The following PCDHGA11 variants were observed in gnomAD, a reference collection of about 807,000 sequenced individuals.
PCDHGA11 encodes the protein protocadherin gamma-A11.
Under a neutral mutation model 60.4 loss-of-function variants are expected in PCDHGA11, and 39 were observed. That is an observed-to-expected ratio of 0.65 (90% CI 0.50 to 0.84). The LOEUF (loss-of-function observed/expected upper bound fraction) is 0.84. PCDHGA11 is among the 40% of genes least tolerant of loss of function. The probability of loss-of-function intolerance (pLI) is 0.00; values close to 1 mark genes in which losing one functional copy is unlikely to be tolerated. For missense variants in PCDHGA11, 1,165 were observed against 1,197.7 expected (o/e 0.97, Z 0.40); for synonymous variants, 533 against 510.3 (o/e 1.04, Z -0.60).
chr5:141,507,151 G>C (rs1423834553), intron 3 of PCDHGA11: 2 of 152,192 alleles, frequency 1.3e-5, no homozygotes, highest in African/African-American at 4.8e-5. Context: ...TATTACCTGA[G>C]CAGGATGAGA....
intron 1 of PCDHGA11, among the ~76,000 whole-genome samples, chr5:141,457,171 T>C (rs1337137368): frequency 3.3e-5 from 5 of 152,216 alleles, no homozygotes; most frequent in Non-Finnish European, 7.3e-5. Flanking sequence ...GATAACCCTA[T>C]TGCAAATAGT....
At chr5:141,497,855 C>T (rs1447484949) in intron 2 of PCDHGA11, among the ~76,000 whole-genome samples, 1 of 152,122 alleles carries the variant, frequency 6.6e-6, no homozygotes, top group Non-Finnish European at 1.5e-5. Flanking sequence ...ATTTTTGATT[C>T]AGCGGCTCCA....
In PCDHGA11 at chr5:141,487,135, A is replaced by T; in HGVS notation, c.2434-7672A>T. 6.2e-7 allele frequency: 1 copy of T among 1,613,544 alleles called. No individual in the cohort carries two copies. The highest frequency in any genetic ancestry group is 8.5e-7 in the Non-Finnish European group (1 of 1,179,856). ...TGGTAAAGGATAGTGGTAGTCCACC[A>T]CTCTCTACCTCTGTTACTCTCTTAG... On this transcript the variant is annotated intron_variant, in intron 1 of 3. Transcript: ENST00000398587. The surrounding 1 kb of genome is among the most constrained non-coding windows in gnomAD (Gnocchi z 5.0).
In PCDHGA11 at chr5:141,421,073, G is replaced by A. The variant is rs2096544393; in HGVS notation, c.-155G>A. 6.5e-6 allele frequency: 4 copies of A among 613,858 alleles called. No individual in the cohort carries two copies. The highest frequency in any genetic ancestry group is 1.1e-5 in the Non-Finnish European group (4 of 362,082). The allele number at this position is 613,858 out of a possible 1,614,324, so 38.0% of individuals were successfully genotyped here. A position where few individuals can be genotyped will look rare whatever the true frequency, so the allele number is the denominator to read the frequency against. ...TCTACCACACAAAGCGGAATGAGAT[G>A]GATACTCACAGATCCTGACACTGGA... On this transcript the variant is annotated 5_prime_UTR_variant, in exon 1 of 4. It removes an upstream start codon present in the reference 5' UTR. Coordinates refer to ENST00000398587, the MANE Select transcript of PCDHGA11 (RefSeq NM_018914.3).
intron 1 of PCDHGA11, among the ~76,000 whole-genome samples, chr5:141,453,076 G>A (rs2098755408): frequency 1.3e-5 from 2 of 151,984 alleles, no homozygotes; most frequent in Admixed American, 6.6e-5. Flanking sequence ...CCACACTCTG[G>A]TTGATTAGTA....
At chr5:141,478,720 G>T (rs2154576937) in intron 1 of PCDHGA11, 1 of 1,543,694 alleles carries the variant, frequency 6.5e-7, no homozygotes, top group Admixed American at 2.0e-5. Context: ...ATGGTGGCCT[G>T]CCAGAGTGTG....
intron 1 of PCDHGA11, among the ~76,000 whole-genome samples, chr5:141,461,978 C>T (rs888687367): frequency 2.6e-5 from 4 of 152,216 alleles, no homozygotes; most frequent in African/African-American, 9.6e-5. Flanking sequence ...CATATGCCAC[C>T]ACGCCAGGCT....
chr5:141,492,043 TC>T (rs1323524482), intron 1 of PCDHGA11: 5 of 518,152 alleles, frequency 9.6e-6, no homozygotes, highest in Non-Finnish European at 1.7e-5. Context: ...CAGTCACAGA[TC>T]CACCCCTGCA....
chr5:141,423,895 G>T, intron 1 of PCDHGA11: 1 of 1,277,758 alleles, frequency 7.8e-7, no homozygotes, highest in Non-Finnish European at 9.9e-7. Flanking sequence ...ATTTTCTTTT[G>T]ATTTCAAAGG....
chr5:141,511,031 A>G lies in PCDHGA11; in HGVS notation c.2666A>G (p.Gln889Arg). 6.2e-7 allele frequency: 1 copy of G among 1,614,244 alleles called. No individual in the cohort carries two copies. The highest frequency in any genetic ancestry group is 8.5e-7 in the Non-Finnish European group (1 of 1,180,034). ...SARYGPQFTL[Q>R]HVPDYRQNVY... Reference sequence around the variant, plus strand: ...CGCTACGGACCCCAGTTCACCCTGCAGCACGTGCCCGACTACCGCCAGAAT... The same window carrying G: ...CGCTACGGACCCCAGTTCACCCTGCGGCACGTGCCCGACTACCGCCAGAAT... The change falls in exon 4 of 4, where the codon CAG (glutamine) becomes CGG (arginine). Residue 889 changes from glutamine to arginine, a missense_variant. Gln to Arg is a conservative substitution (Grantham distance 43). Coordinates refer to ENST00000398587, the MANE Select transcript of PCDHGA11 (RefSeq NM_018914.3).
At chr5:141,507,450 CAG>C (rs940460926) in intron 3 of PCDHGA11, among the ~76,000 whole-genome samples, 3 of 152,168 alleles carry the variant, frequency 2.0e-5, no homozygotes, top group African/African-American at 7.2e-5. Flanking sequence ...GACGGAAGGA[CAG>C]AGAGAGAGGT....
In PCDHGA11 at chr5:141,422,096, C is replaced by T; in HGVS notation, c.869C>T (p.Ser290Phe). ...YSFRNMESKA[S>F]EIFQLDSQTG... ...TTTCGGAACATGGAAAGCAAGGCTT[C>T]TGAAATATTCCAATTGGATTCACAA... Residue 290 changes from serine (S) to phenylalanine (F), a missense_variant, in exon 1 of 4, where the codon TCT becomes TTT. Physicochemically the swap from Ser to Phe is radical, Grantham distance 155 (BLOSUM62 -2). Transcript: ENST00000398587. 1 of 1,610,710 alleles carries T rather than the reference C, an allele frequency of 6.2e-7. No individual in the cohort carries two copies. The highest frequency in any genetic ancestry group is 8.5e-7 in the Non-Finnish European group (1 of 1,178,960).
At chr5:141,494,069 C>T (rs1249076667) in intron 1 of PCDHGA11, among the ~76,000 whole-genome samples, 1 of 152,146 alleles carries the variant, frequency 6.6e-6, no homozygotes, top group Non-Finnish European at 1.5e-5. Context: ...GAGCTGGATC[C>T]CTCCCCGCTG....
rs2099884159 is a variant in PCDHGA11 at position 141,512,278 on chromosome 5, G to A, written c.*1105G>A. 6.5e-6 allele frequency: 1 copy of A among 152,812 alleles called. No homozygotes were observed. Among genetic ancestry groups the A allele is most frequent in the Non-Finnish European group, 1.5e-5 (1 of 68,170 alleles). 9.5% of individuals were successfully genotyped at this position (152,812 alleles called of 1,614,324 possible). A position where few individuals can be genotyped will look rare whatever the true frequency, so the allele number is the denominator to read the frequency against. ...TGCTGGGTACTCCAGAGGTGCCACT[G>A]GTGGAAGGGTCAGCGGAGCCCCAGC... On this transcript the variant is annotated 3_prime_UTR_variant, in exon 4 of 4. Coordinates refer to ENST00000398587, the MANE Select transcript of PCDHGA11 (RefSeq NM_018914.3).
At chr5:141,439,473 G>T (rs1414737627) in intron 1 of PCDHGA11, among the ~76,000 whole-genome samples, 2 of 152,202 alleles carry the variant, frequency 1.3e-5, no homozygotes, top group South Asian at 2.1e-4. Context: ...CTGCCTTTCA[G>T]CTTGCAAATT....
In PCDHGA11 at chr5:141,485,944, G is replaced by A; in HGVS notation, c.2434-8863G>A. 1.2e-6 allele frequency: 2 copies of A among 1,614,116 alleles called. No homozygotes were observed. The highest frequency in any genetic ancestry group is 1.7e-6 in the Non-Finnish European group (2 of 1,180,020). ...TTAGTGTGTTGGAGAGCGCACCAGC[G>A]GGCATGGTGCTCATCCAGCTCAATG... On this transcript the variant is annotated intron_variant, in intron 1 of 3. Coordinates refer to ENST00000398587, the MANE Select transcript of PCDHGA11 (RefSeq NM_018914.3). This position sits in a 1 kb window ranked among gnomAD's most constrained non-coding sequence, Gnocchi z 5.7.
intron 1 of PCDHGA11, among the ~76,000 whole-genome samples, chr5:141,448,838 T>C (rs2098609981): frequency 6.6e-6 from 1 of 151,802 alleles, no homozygotes; most frequent in Non-Finnish European, 1.5e-5. Flanking sequence ...CCAGCTACTC[T>C]GGAGGCTGAG....
chr5:141,460,027 G>A (rs1002703325), intron 1 of PCDHGA11, among the ~76,000 whole-genome samples: 3 of 152,088 alleles, frequency 2.0e-5, no homozygotes, highest in East Asian at 1.9e-4. Flanking sequence ...GCAGTGAGCC[G>A]AGACTGCACC....
rs766092387 is a variant in PCDHGA11 at position 141,491,171 on chromosome 5, T to C, written c.2434-3636T>C. 7.4e-6 allele frequency: 12 copies of C among 1,613,968 alleles called. No individual in the cohort carries two copies. The highest frequency in any genetic ancestry group is 1.3e-5 in the African/African-American group (1 of 74,904). On this transcript the variant is annotated intron_variant, in intron 1 of 3. Coordinates refer to ENST00000398587, the MANE Select transcript of PCDHGA11 (RefSeq NM_018914.3). The surrounding 1 kb of genome is among the most constrained non-coding windows in gnomAD (Gnocchi z 6.9). The stretch of plus-strand genomic sequence containing the variant: ...GAGGATGACTCTGACACCCAGCAGG[T>C]GGTGGTCCTGGTGAGGGACAATGGT...
Sources: allele counts gnomAD v4.1 joint callset (sites outside exome capture counted in the v4.1 genomes callset), GRCh38; gene constraint gnomAD v4.1.1; non-coding constraint Gnocchi (gnomAD v3.1); transcripts MANE v1.5; gene names NCBI Gene and HGNC (gene_info 2026-07-23, HGNC 2026-07-21).